Variants in PTPRO observed in about 807,000 individuals in gnomAD.
PTPRO encodes protein tyrosine phosphatase receptor type O.
Under a neutral mutation model 145.2 loss-of-function variants are expected in PTPRO, and 62 were observed. The observed-to-expected ratio is 0.43, with a 90% CI of 0.35 to 0.53. PTPRO has a LOEUF of 0.53. Ranked by LOEUF, PTPRO falls within the 20% of genes least tolerant of loss-of-function variation. PTPRO has a pLI of 0.01. For missense variants in PTPRO, 1,345 were observed against 1,482.7 expected, an observed-to-expected ratio of 0.91 and a Z score of 1.53; for synonymous variants, 565 against 514.7, an observed-to-expected ratio of 1.10 and a Z score of -1.32.
intron 1 of PTPRO, among the ~76,000 whole-genome samples, chr12:15,467,754 T>G (rs181665826): frequency 6.6e-6 from 1 of 152,322 alleles, no homozygotes; most frequent in African/African-American, 2.4e-5. Context: ...AAATTCTTCT[T>G]CCCTCAGGAG....
intron 22 of PTPRO, among the ~76,000 whole-genome samples, chr12:15,581,102 C>T (rs2135645516): frequency 6.6e-6 from 1 of 152,180 alleles, no homozygotes; most frequent in Middle Eastern, 3.4e-3. Flanking sequence ...TTCATTAGCA[C>T]TAGTAAAGTT....
Position 15,322,713 on chromosome 12 carries a change from C to T in PTPRO, c.-14C>T, listed in dbSNP as rs756519574. 1 of 1,608,724 alleles carries T rather than the reference C, an allele frequency of 6.2e-7. No individual in the cohort carries two copies. Among genetic ancestry groups the T allele is most frequent in the Non-Finnish European group, 8.5e-7 (1 of 1,177,674 alleles). ...CTAGCGCAGCCGTGCCCCCGAGTCC[C>T]CGTCCGCGCAGCGATGGGGCACCTG... On this transcript the variant is annotated 5_prime_UTR_variant, in exon 1 of 27. Transcript: ENST00000281171. The surrounding 1 kb of genome is among the most constrained non-coding windows in gnomAD (Gnocchi z 6.3).
chr12:15,521,998 T>C (rs887508088), intron 10 of PTPRO, among the ~76,000 whole-genome samples: 4 of 152,332 alleles, frequency 2.6e-5, no homozygotes, highest in East Asian at 1.9e-4. Flanking sequence ...TATCTTTTCC[T>C]GGGTCAAATA....
chr12:15,449,216 A>G (rs1388150973), intron 1 of PTPRO, among the ~76,000 whole-genome samples: 1 of 152,184 alleles, frequency 6.6e-6, no homozygotes, highest in Non-Finnish European at 1.5e-5. Flanking sequence ...TTATTTGAAC[A>G]GTTTGAACAC....
intron 1 of PTPRO, among the ~76,000 whole-genome samples, chr12:15,341,675 C>A (rs1591717191): frequency 6.6e-6 from 1 of 152,168 alleles, no homozygotes; most frequent in African/African-American, 2.4e-5. Flanking sequence ...AAACAAAGTG[C>A]TGGCTGGGAA....
At chr12:15,569,619 G>T in intron 19 of PTPRO, 121 bp downstream of exon 19, 1 of 892,388 alleles carries the variant, frequency 1.1e-6, no homozygotes, top group Non-Finnish European at 1.8e-6. Flanking sequence ...ATTGGCCTGG[G>T]GATTGCTGAT....
intron 12 of PTPRO, among the ~76,000 whole-genome samples, chr12:15,528,528 A>T (rs933037273): frequency 2.6e-5 from 4 of 151,680 alleles, no homozygotes; most frequent in African/African-American, 9.7e-5. Flanking sequence ...CTGTCAAAAA[A>T]AAAAAAGGTA....
chr12:15,483,241 G>A (rs1409665787), intron 1 of PTPRO, among the ~76,000 whole-genome samples: 2 of 152,136 alleles, frequency 1.3e-5, no homozygotes, highest in Non-Finnish European at 2.9e-5. Context: ...GTCTGAGACA[G>A]AATCAGGGAG....
chr12:15,558,694 A>T (rs1322405513), intron 16 of PTPRO, among the ~76,000 whole-genome samples: 1 of 152,178 alleles, frequency 6.6e-6, no homozygotes, highest in Non-Finnish European at 1.5e-5. Context: ...ACTCCCTAAA[A>T]TGGTTAATCT....
At position 15,524,929 on chromosome 12, in the gene PTPRO, G is replaced by T. The variant is rs767214558; in HGVS notation, c.2007G>T (p.Met669Ile). 1 of 1,613,902 alleles carries T rather than the reference G, an allele frequency of 6.2e-7. No homozygotes were observed. The highest frequency in any genetic ancestry group is 1.3e-5 in the African/African-American group (1 of 74,896). ...DLSHSRMLHWMVVAEGKKKIK... is the reference protein window; with the variant it reads ...DLSHSRMLHWIVVAEGKKKIK... The stretch of plus-strand genomic sequence containing the variant: ...CCCATTCTAGAATGCTTCACTGGAT[G>T]GTGGTTGCAGAAGGAAAAAAGAAAA... The change falls in exon 11 of 27, where the codon ATG becomes ATT. Residue 669 changes from methionine to isoleucine, a missense_variant. Met to Ile is a conservative substitution (Grantham distance 10). Transcript: ENST00000281171.
chr12:15,352,470 GA>G (rs542111380), intron 1 of PTPRO, among the ~76,000 whole-genome samples: 30 of 151,934 alleles, frequency 2.0e-4, no homozygotes, highest in Non-Finnish European at 4.0e-4. Context: ...CTAACACGGT[GA>G]AACCCCATCT....
intron 8 of PTPRO, among the ~76,000 whole-genome samples, chr12:15,516,414 A>G (rs1180541959): frequency 6.6e-6 from 1 of 150,568 alleles, no homozygotes; most frequent in Admixed American, 6.6e-5. Context: ...AAAGAAAGAG[A>G]GAAAGGAGAA....
At chr12:15,448,617 G>T (rs1940969117) in intron 1 of PTPRO, among the ~76,000 whole-genome samples, 1 of 151,966 alleles carries the variant, frequency 6.6e-6, no homozygotes, top group Non-Finnish European at 1.5e-5. Context: ...ACAGAATGGA[G>T]GCCTCTCAAA....
Position 15,578,894 on chromosome 12 carries a change from A to C in PTPRO, c.2871A>C (p.Ala957=). The part of the protein sequence containing the change: ...LIGLDIPHFA[A]DLPLNRCKNR... Reference sequence around the variant, plus strand: ...GACTGGATATCCCACACTTTGCTGCAGATCTTCCACTGAATCGATGTAAAA... The same window carrying C: ...GACTGGATATCCCACACTTTGCTGCCGATCTTCCACTGAATCGATGTAAAA... The change falls in exon 20 of 27, where the codon GCA becomes GCC. Residue 957 remains alanine, a synonymous_variant. Transcript: ENST00000281171. 1.2e-6 allele frequency: 2 copies of C among 1,608,210 alleles called. No individual in the cohort carries two copies. The highest frequency in any genetic ancestry group is 1.7e-6 in the Non-Finnish European group (2 of 1,174,620).
chr12:15,489,884 T>TTTCCTTTAA (rs1941964796), intron 2 of PTPRO, among the ~76,000 whole-genome samples: 1 of 151,926 alleles, frequency 6.6e-6, no homozygotes. Context: ...GCCACAAGAA[T>TTTCCTTTAA]GAAGAAAGGA....
chr12:15,399,924 A>T (rs1939442961), intron 1 of PTPRO, among the ~76,000 whole-genome samples: 1 of 150,136 alleles, frequency 6.7e-6, no homozygotes. Flanking sequence ...GTTGGCGCAT[A>T]CCTGTAATCC....
intron 9 of PTPRO, among the ~76,000 whole-genome samples, chr12:15,518,077 G>A (rs1419539423): frequency 2.0e-5 from 3 of 152,210 alleles, no homozygotes; most frequent in Non-Finnish European, 4.4e-5. Flanking sequence ...GCAAACTTTT[G>A]CCTGGGCATC....
intron 1 of PTPRO, among the ~76,000 whole-genome samples, chr12:15,380,271 C>G (rs1029321988): frequency 6.6e-6 from 1 of 151,996 alleles, no homozygotes; most frequent in Non-Finnish European, 1.5e-5. Flanking sequence ...GGGCCATACA[C>G]TCAAGAGAAA....
At chr12:15,567,309 A>G (rs1459163729) in intron 18 of PTPRO, among the ~76,000 whole-genome samples, 1 of 151,780 alleles carries the variant, frequency 6.6e-6, no homozygotes, top group African/African-American at 2.4e-5. Context: ...ATGCCCCACC[A>G]CTACCATATC....
Sources: allele counts gnomAD v4.1 joint callset (sites outside exome capture counted in the v4.1 genomes callset), GRCh38; gene constraint gnomAD v4.1.1; non-coding constraint Gnocchi (gnomAD v3.1); transcripts MANE v1.5; gene names NCBI Gene and HGNC (gene_info 2026-07-23, HGNC 2026-07-21).